STEAP2: variants seen among roughly 807,000 people sequenced by gnomAD.
STEAP2 encodes STEAP2 metalloreductase.
STEAP2 carries 30 observed loss-of-function variants against 46.4 expected under a neutral mutation model. The observed-to-expected ratio is 0.65, with a 90% CI of 0.48 to 0.88. The LOEUF is 0.88. Ranked by LOEUF, STEAP2 falls within the 40% of genes least tolerant of loss-of-function variation. The probability of loss-of-function intolerance (pLI) is 0.00; values close to 1 mark genes in which losing one functional copy is unlikely to be tolerated. For synonymous variants in STEAP2, 180 were observed against 200.5 expected (o/e 0.90, Z 0.86); for missense variants, 513 against 579.3 (o/e 0.89, Z 1.18).
chr7:90,219,156 T>C (rs749763470), intron 2 of STEAP2, among the ~76,000 whole-genome samples: 6 of 152,212 alleles, frequency 3.9e-5, no homozygotes, highest in African/African-American at 4.8e-5. Flanking sequence ...TTATTGAATT[T>C]ATTTATCAGA....
intron 1 of STEAP2, chr7:90,213,954 C>T (rs1345010831): frequency 6.6e-6 from 1 of 152,198 alleles, no homozygotes; most frequent in Non-Finnish European, 1.5e-5. Context: ...CGGGGACTAA[C>T]TCATTCAGGA....
At position 90,216,591 on chromosome 7, in the gene STEAP2, C is replaced by T. The variant is rs1364145158; in HGVS notation, c.-46C>T. The T allele has an allele frequency of 1.3e-5, 2 of 152,112 alleles. No homozygotes were observed. The highest frequency in any genetic ancestry group is 6.6e-5 in the Admixed American group (1 of 15,262). 9.4% of individuals were successfully genotyped at this position (152,112 alleles called of 1,614,324 possible). A position where few individuals can be genotyped will look rare whatever the true frequency, so the allele number is the denominator to read the frequency against. Reference sequence around the variant, plus strand: ...GAACTGCATGCATATTATTCAGCGTCCTATATTCAAAGGTAACTACTACTC... The same window carrying T: ...GAACTGCATGCATATTATTCAGCGTTCTATATTCAAAGGTAACTACTACTC... On this transcript the variant is annotated 5_prime_UTR_variant, in exon 2 of 6. Transcript: ENST00000394621.
intron 5 of STEAP2, among the ~76,000 whole-genome samples, chr7:90,231,264 T>A (rs1189328365): frequency 2.0e-5 from 3 of 151,930 alleles, no homozygotes; most frequent in Non-Finnish European, 4.4e-5. Context: ...ATATTAATAC[T>A]GCAGGATTTT....
intron 1 of STEAP2, chr7:90,215,308 G>A (rs1794971990): frequency 6.6e-6 from 1 of 152,170 alleles, no homozygotes; most frequent in Non-Finnish European, 1.5e-5. Flanking sequence ...AATAATAAAT[G>A]CCCTATTTAT....
intron 3 of STEAP2, 98 bp downstream of exon 3, chr7:90,225,672 C>A: frequency 2.3e-6 from 3 of 1,284,222 alleles, no homozygotes; most frequent in Non-Finnish European, 2.1e-6. Context: ...TGACACTTTC[C>A]AATGATTATC....
chr7:90,238,391 C>A (rs1241197927), downstream of STEAP2, among the ~76,000 whole-genome samples: 3 of 152,130 alleles, frequency 2.0e-5, no homozygotes, highest in Non-Finnish European at 4.4e-5. Flanking sequence ...TAAGCATGGG[C>A]TTTTTAAAAT....
chr7:90,218,472 T>C (rs17863956), intron 2 of STEAP2, among the ~76,000 whole-genome samples: 23,274 of 152,088 alleles, frequency 0.15, 2,812 homozygotes, highest in East Asian at 0.65. Context: ...TCCAGTTTTA[T>C]TCTTCTGCAT....
intron 3 of STEAP2, 60 bp from the exon 4 acceptor site, chr7:90,226,911 G>A (rs556962293): frequency 3.1e-4 from 463 of 1,500,138 alleles, no homozygotes; most frequent in Admixed American, 6.6e-4. Flanking sequence ...TGGAGCATGC[G>A]ATTGCTACCA....
At chr7:90,216,767 A>G (rs1289086885) in intron 2 of STEAP2, among the ~76,000 whole-genome samples, 164 bp downstream of exon 2, 2 of 152,218 alleles carry the variant, frequency 1.3e-5, no homozygotes, top group Non-Finnish European at 2.9e-5. Flanking sequence ...TCTTGGTTGC[A>G]TAATAAAACA....
intron 5 of STEAP2, among the ~76,000 whole-genome samples, chr7:90,230,952 A>C (rs1385704032): frequency 6.6e-6 from 1 of 151,898 alleles, no homozygotes; most frequent in Non-Finnish European, 1.5e-5. Flanking sequence ...CTTTCCCAAC[A>C]GCTAGTTTAA....
In STEAP2 at chr7:90,234,581, T is replaced by C. The variant is rs919010832; in HGVS notation, c.*1957T>C. 6.2e-5 allele frequency: 58 copies of C among 935,472 alleles called. No homozygotes were observed. The African/African-American group carries it at 9.4e-4, about 15-fold the overall frequency. The allele number at this position is 935,472 out of a possible 1,614,324, so 57.9% of individuals were successfully genotyped here. ...TTTTTTTTTTTTAAAGACAGAGTCT[T>C]GCTCTGTCACCCAGGCTGGAGTGCA... On this transcript the variant is annotated 3_prime_UTR_variant, in exon 6 of 6. Coordinates refer to ENST00000394621, the MANE Select transcript of STEAP2 (RefSeq NM_001244944.2).
chr7:90,236,481 C>T lies in STEAP2; in HGVS notation c.*3857C>T. ...AGACACCCTACCTTCAATTGTTCAT[C>T]AGTGGGTAAAACAAATTCTGATGTA... On this transcript the variant is annotated 3_prime_UTR_variant, in exon 6 of 6. Transcript: ENST00000394621. 1.0e-6 allele frequency: 1 copy of T among 1,000,104 alleles called. No individual in the cohort carries two copies. Among genetic ancestry groups the T allele is most frequent in the Non-Finnish European group, 1.2e-6 (1 of 839,364 alleles). 62.0% of individuals were successfully genotyped at this position (1,000,104 alleles called of 1,614,324 possible).
intron 5 of STEAP2, among the ~76,000 whole-genome samples, chr7:90,230,305 A>G (rs1258941458): frequency 6.6e-6 from 1 of 152,054 alleles, no homozygotes; most frequent in East Asian, 1.9e-4. Context: ...AGAGAAAAAA[A>G]AAATGAAAGT....
intron 2 of STEAP2, 96 bp from the exon 3 acceptor site, chr7:90,224,954 A>G: frequency 2.8e-6 from 3 of 1,057,670 alleles, no homozygotes; most frequent in Non-Finnish European, 1.4e-6. Context: ...GTGGTGAAAT[A>G]TTTTACCTCT....
intron 5 of STEAP2, among the ~76,000 whole-genome samples, chr7:90,231,916 C>A (rs572487556): frequency 1.3e-5 from 2 of 151,834 alleles, no homozygotes; most frequent in East Asian, 3.9e-4. Context: ...TGGAAAATGG[C>A]CTAACATGAC....
At chr7:90,239,114 C>T (rs940286140), downstream of STEAP2, among the ~76,000 whole-genome samples, 31 of 152,250 alleles carry the variant, frequency 2.0e-4, no homozygotes, top group Non-Finnish European at 4.1e-4. Flanking sequence ...AAAATTGATA[C>T]ATTGAAATCC....
chr7:90,237,976 TA>T (rs1189509176), downstream of STEAP2: 35 of 691,734 alleles, frequency 5.1e-5, no homozygotes, highest in African/African-American at 5.3e-4. Context: ...TGATGGATAC[TA>T]AAGAGATATT....
At chr7:90,220,661 A>G (rs1795218690) in intron 2 of STEAP2, among the ~76,000 whole-genome samples, 1 of 151,762 alleles carries the variant, frequency 6.6e-6, no homozygotes, top group East Asian at 1.9e-4. Context: ...CTTTCCTTTT[A>G]CCAATTTGGG....
intron 5 of STEAP2, among the ~76,000 whole-genome samples, chr7:90,230,430 T>C (rs767334558): frequency 3.3e-5 from 5 of 152,040 alleles, no homozygotes; most frequent in Non-Finnish European, 5.9e-5. Flanking sequence ...AAAAATCTTA[T>C]TAATTTGAAC....
Sources: allele counts gnomAD v4.1 joint callset (sites outside exome capture counted in the v4.1 genomes callset), GRCh38; gene constraint gnomAD v4.1.1; transcripts MANE v1.5; gene names NCBI Gene and HGNC (gene_info 2026-07-23, HGNC 2026-07-21).